Variants in XKR4 observed in about 807,000 individuals in gnomAD.
The protein encoded by XKR4 is XK-related protein 4.
A neutral mutation model predicts 53.9 loss-of-function variants in XKR4; 12 were observed. That is an observed-to-expected ratio of 0.22 (90% CI 0.14 to 0.36). The LOEUF (loss-of-function observed/expected upper bound fraction) is 0.36. Among genes scored for constraint, XKR4 ranks in the 10% least tolerant of loss-of-function variants. The pLI is 1.00. For missense variants in XKR4, 799 were observed against 859.5 expected, an observed-to-expected ratio of 0.93 and a Z score of 0.88; for synonymous variants, 354 against 362.4, an observed-to-expected ratio of 0.98 and a Z score of 0.26.
At position 55,533,440 on chromosome 8, in the gene XKR4, A is replaced by G. The variant is rs371220781; in HGVS notation, c.*9213A>G. The G allele has an allele frequency of 7.2e-5, 11 of 152,336 alleles. No homozygotes were observed. The East Asian group carries it at 1.3e-3, about 19-fold the overall frequency. 9.4% of individuals were successfully genotyped at this position (152,336 alleles called of 1,614,324 possible). A position where few individuals can be genotyped will look rare whatever the true frequency, so the allele number is the denominator to read the frequency against. On this transcript the variant is annotated 3_prime_UTR_variant, in exon 3 of 3. Transcript: ENST00000327381. ...AACCTTTCTAATGCATTGTACATAA[A>G]AGAGGAAATGGATTTCTGAAATATA...
chr8:55,317,815 G>C (rs1803118566), intron 1 of XKR4, among the ~76,000 whole-genome samples: 2 of 152,156 alleles, frequency 1.3e-5, no homozygotes, highest in Admixed American at 1.3e-4. Flanking sequence ...ATTGGCATAG[G>C]GGTCCTCATG....
At chr8:55,224,228 G>A (rs1293815551) in intron 1 of XKR4, among the ~76,000 whole-genome samples, 1 of 151,952 alleles carries the variant, frequency 6.6e-6, no homozygotes, top group African/African-American at 2.4e-5. Flanking sequence ...TTTTCCCTGA[G>A]ATATTAAATT....
intron 1 of XKR4, among the ~76,000 whole-genome samples, chr8:55,249,418 C>T (rs1050189591): frequency 3.9e-5 from 6 of 152,168 alleles, no homozygotes; most frequent in Non-Finnish European, 5.9e-5. Flanking sequence ...CTAGGCTCAA[C>T]TTCATGTGAC....
chr8:55,389,570 A>C (rs1290123012), intron 2 of XKR4, among the ~76,000 whole-genome samples: 1 of 152,220 alleles, frequency 6.6e-6, no homozygotes, highest in Non-Finnish European at 1.5e-5. Flanking sequence ...GAATAAATCA[A>C]TGGCAAATAG....
At chr8:55,379,206 G>A (rs1177915753) in intron 2 of XKR4, among the ~76,000 whole-genome samples, 2 of 152,176 alleles carry the variant, frequency 1.3e-5, no homozygotes, top group Non-Finnish European at 2.9e-5. Flanking sequence ...AGCTCATCAT[G>A]TCAGCTCCTC....
chr8:55,142,052 C>T (rs1306194218), intron 1 of XKR4: 1 of 455,450 alleles, frequency 2.2e-6, no homozygotes, highest in African/African-American at 2.0e-5. Flanking sequence ...CCTGCCACCC[C>T]CAACAGCCTT....
chr8:55,428,073 C>T (rs1482974929), intron 2 of XKR4, among the ~76,000 whole-genome samples: 2 of 152,184 alleles, frequency 1.3e-5, no homozygotes, highest in South Asian at 2.1e-4. Flanking sequence ...ATTTATACAA[C>T]TTTATGTGCT....
At chr8:55,440,356 T>G (rs193033253) in intron 2 of XKR4, among the ~76,000 whole-genome samples, 1 of 152,122 alleles carries the variant, frequency 6.6e-6, no homozygotes, top group Non-Finnish European at 1.5e-5. Flanking sequence ...GTAATGGTAT[T>G]AAAACAATTT....
intron 1 of XKR4, among the ~76,000 whole-genome samples, chr8:55,117,384 G>A (rs1480371436): frequency 6.6e-6 from 1 of 152,170 alleles, no homozygotes. Flanking sequence ...CTCTTTAGGA[G>A]ACAAAATCCC....
chr8:55,446,785 C>T (rs938560387), intron 2 of XKR4, among the ~76,000 whole-genome samples: 1 of 152,172 alleles, frequency 6.6e-6, no homozygotes, highest in Admixed American at 6.5e-5. Context: ...CTTTGCCAGG[C>T]AGTATCTTCT....
At chr8:55,419,372 C>T (rs534324019) in intron 2 of XKR4, among the ~76,000 whole-genome samples, 18 of 152,214 alleles carry the variant, frequency 1.2e-4, no homozygotes, top group South Asian at 2.1e-4. Flanking sequence ...GCAACAAGAG[C>T]GAAACTCCAT....
At chr8:55,238,542 T>A (rs565974507) in intron 1 of XKR4, among the ~76,000 whole-genome samples, 1 of 152,314 alleles carries the variant, frequency 6.6e-6, no homozygotes, top group Non-Finnish European at 1.5e-5. Flanking sequence ...GCCCCTGACC[T>A]GGAGTTACAC....
intron 1 of XKR4, among the ~76,000 whole-genome samples, chr8:55,121,909 C>G (rs1051995142): frequency 6.6e-6 from 1 of 151,836 alleles, no homozygotes; most frequent in East Asian, 1.9e-4. Context: ...GGACAGTTGC[C>G]CTGGGGTGGC....
At position 55,332,637 on chromosome 8, in the gene XKR4, G is replaced by C. The variant is rs555570052; in HGVS notation, c.807-25041G>C. Among the ~76,000 whole-genome samples, 29 of 152,044 alleles carry C rather than the reference G, an allele frequency of 1.9e-4. 1 individual carries two copies. In the South Asian group the frequency reaches 6.0e-3, roughly 32 times the overall value. ...TAAATATATCATCCCACTGCCATCT[G>C]TCTGCAAGGTTTCAGCTAAGAAAAG... On this transcript the variant is annotated intron_variant, in intron 1 of 2. Coordinates refer to ENST00000327381, the MANE Select transcript of XKR4 (RefSeq NM_052898.2).
chr8:55,382,695 A>G (rs1298180797), intron 2 of XKR4, among the ~76,000 whole-genome samples: 1 of 152,236 alleles, frequency 6.6e-6, no homozygotes, highest in Non-Finnish European at 1.5e-5. Context: ...TGCCCAAATA[A>G]TACCAAGCTT....
intron 1 of XKR4, among the ~76,000 whole-genome samples, chr8:55,277,680 G>C (rs1818783320): frequency 6.6e-6 from 1 of 152,144 alleles, no homozygotes; most frequent in Admixed American, 6.5e-5. Context: ...GGAGCATTTT[G>C]CATTCTCGAT....
At chr8:55,221,565 C>A (rs1212188435) in intron 1 of XKR4, among the ~76,000 whole-genome samples, 1 of 152,118 alleles carries the variant, frequency 6.6e-6, no homozygotes, top group Non-Finnish European at 1.5e-5. Context: ...CTTGGGGGAA[C>A]TTTGTGGTGC....
chr8:55,308,640 A>G (rs921955548), intron 1 of XKR4, among the ~76,000 whole-genome samples: 2 of 152,154 alleles, frequency 1.3e-5, no homozygotes, highest in African/African-American at 4.8e-5. Context: ...CAATCTAACA[A>G]TCTGAATCTT....
At chr8:55,326,416 C>G (rs551967674) in intron 1 of XKR4, among the ~76,000 whole-genome samples, 5 of 149,730 alleles carry the variant, frequency 3.3e-5, no homozygotes, top group East Asian at 3.9e-4. Context: ...AATTAAGTCT[C>G]TCTGGTTTGT....
Sources: allele counts gnomAD v4.1 joint callset (sites outside exome capture counted in the v4.1 genomes callset), GRCh38; gene constraint gnomAD v4.1.1; transcripts MANE v1.5; gene names NCBI Gene and HGNC (gene_info 2026-07-23, HGNC 2026-07-21).